Variants in ZXDC observed in about 807,000 individuals in gnomAD.
ZXDC encodes ZXD family zinc finger C.
Under a neutral mutation model 63.6 loss-of-function variants are expected in ZXDC, and 58 were observed. The observed-to-expected ratio is 0.91, with a 90% CI of 0.74 to 1.13. The LOEUF (loss-of-function observed/expected upper bound fraction) is 1.13. ZXDC is among the 50% of genes most tolerant of loss of function. The pLI, the probability that ZXDC is intolerant of heterozygous loss-of-function variation, is 0.00. For missense variants in ZXDC, 1,133 were observed against 1,148.9 expected (o/e 0.99, Z 0.20); for synonymous variants, 561 against 496.1 (o/e 1.13, Z -1.74).
intron 7 of ZXDC, chr3:126,457,692 G>A: frequency 1.0e-6 from 1 of 971,358 alleles, no homozygotes; most frequent in South Asian, 4.8e-5. Context: ...GCGCTTTATA[G>A]ACATGTCCCA....
In ZXDC at chr3:126,453,157, ACTT is replaced by A. The variant is rs1358113449; in HGVS notation, c.2212+6493_2212+6495del. 9.1e-6 allele frequency: 9 copies of A among 985,436 alleles called. No individual in the cohort carries two copies. In the African/African-American group the frequency reaches 1.6e-4, roughly 17 times the overall value. 61.0% of individuals were successfully genotyped at this position (985,436 alleles called of 1,614,324 possible). On this transcript the variant is annotated intron_variant, in intron 7 of 9. Coordinates refer to ENST00000389709, the MANE Select transcript of ZXDC (RefSeq NM_025112.5). Reference sequence around the variant, plus strand: ...TTCATATTCTTATTTCTGAATGATTACTTGTTTTCCTAGAAAACTCTGCATTTT... The same window carrying A: ...TTCATATTCTTATTTCTGAATGATTAGTTTTCCTAGAAAACTCTGCATTTT...
chr3:126,457,285 G>A (rs998383370), intron 7 of ZXDC: 14 of 985,348 alleles, frequency 1.4e-5, no homozygotes, highest in South Asian at 9.4e-5. Context: ...AGGCATCCCC[G>A]CCAGAGGATG....
chr3:126,451,101 C>G (rs1048704029), intron 7 of ZXDC: 7 of 985,034 alleles, frequency 7.1e-6, no homozygotes, highest in Non-Finnish European at 2.4e-6. Flanking sequence ...CCAGGAGGAA[C>G]AGTGCTCTAT....
chr3:126,450,538 CATGT>C (rs945312371), intron 7 of ZXDC: 107 of 456,640 alleles, frequency 2.3e-4, no homozygotes, highest in African/African-American at 1.9e-3. Context: ...GAGCCACATG[CATGT>C]GACTAGAAAT....
chr3:126,462,856 C>A (rs1466927463), intron 5 of ZXDC, among the ~76,000 whole-genome samples: 1 of 152,188 alleles, frequency 6.6e-6, no homozygotes, highest in Non-Finnish European at 1.5e-5. Context: ...CAGCTCTAGG[C>A]AGATGCACAA....
At chr3:126,451,850 C>T (rs79482777) in intron 7 of ZXDC, 59,034 of 984,956 alleles carry the variant, frequency 0.06, 1,848 homozygotes, top group African/African-American at 0.078. Flanking sequence ...CAGTGGCACC[C>T]GTGCAGGAAG....
At chr3:126,452,237 A>G (rs1934134206) in intron 7 of ZXDC, 2 of 985,250 alleles carry the variant, frequency 2.0e-6, no homozygotes, top group Non-Finnish European at 2.4e-6. Flanking sequence ...CAAATCCTCT[A>G]TGTCATTTTC....
intron 4 of ZXDC, among the ~76,000 whole-genome samples, chr3:126,468,914 G>C (rs1046123756): frequency 6.6e-6 from 1 of 152,118 alleles, no homozygotes; most frequent in Admixed American, 6.5e-5. Context: ...CACTCCACCG[G>C]AATCTGGGGC....
chr3:126,454,808 A>G, intron 7 of ZXDC: 1 of 985,454 alleles, frequency 1.0e-6, no homozygotes, highest in Non-Finnish European at 1.2e-6. Context: ...TCATTTCAAG[A>G]ATAAAACTTG....
intron 8 of ZXDC, chr3:126,440,118 G>A (rs1056840439): frequency 9.7e-7 from 1 of 1,028,422 alleles, no homozygotes; most frequent in Non-Finnish European, 1.2e-6. Flanking sequence ...GGGCCCCACA[G>A]AGGGCCTTCC....
chr3:126,475,604 C>T lies in ZXDC; in HGVS notation c.262G>A (p.Ala88Thr). The change falls in exon 1 of 10, where the codon GCC (alanine) becomes ACC (threonine). Residue 88 changes from alanine to threonine, a missense_variant. Ala to Thr is a moderately conservative substitution (Grantham distance 58). Transcript: ENST00000389709. The part of the protein sequence containing the change: ...LLEVPHGGAA[A>T]EAAGSQEAEP... ...GCCTCCTGTGATCCGGCAGCCTCGG[C>T]GGCAGCGCCGCCGTGCGGCACTTCC... 6.8e-7 allele frequency: 1 copy of T among 1,469,580 alleles called. No individual in the cohort carries two copies. The highest frequency in any genetic ancestry group is 9.0e-7 in the Non-Finnish European group (1 of 1,108,576). The allele number at this position is 1,469,580 out of a possible 1,614,324, so 91.0% of individuals were successfully genotyped here.
Position 126,466,295 on chromosome 3 carries a change from C to T in ZXDC, c.1301G>A (p.Ser434Asn). 6.2e-7 allele frequency: 1 copy of T among 1,614,206 alleles called. No homozygotes were observed. Among genetic ancestry groups the T allele is most frequent in the Non-Finnish European group, 8.5e-7 (1 of 1,180,044 alleles). The change falls in exon 5 of 10, where the codon AGT (serine) becomes AAT (asparagine). Residue 434 changes from serine to asparagine, a missense_variant. Physicochemically the swap from Ser to Asn is conservative, Grantham distance 46. Transcript: ENST00000389709. ...GTGTTTCTTAGAGTGAATGTACAGA[C>T]TGCTACGAGCGGAGAACCTCGCGCA... ...GCCARFSARS[S>N]LYIHSKKHVQ...
At chr3:126,458,933 A>G (rs1358397710) in intron 7 of ZXDC, 2 of 983,130 alleles carry the variant, frequency 2.0e-6, no homozygotes, top group African/African-American at 1.7e-5. Context: ...TATTTATTTT[A>G]AATAAGAAGT....
chr3:126,443,119 C>T (rs987628672), intron 7 of ZXDC: 23 of 152,270 alleles, frequency 1.5e-4, no homozygotes, highest in African/African-American at 5.5e-4. Context: ...TTCTGGGTGC[C>T]TCAGGGCTCT....
intron 5 of ZXDC, among the ~76,000 whole-genome samples, chr3:126,463,929 A>G (rs1180960344): frequency 6.6e-6 from 1 of 152,268 alleles, no homozygotes; most frequent in East Asian, 1.9e-4. Context: ...AAGATTAAAA[A>G]AAGTATCAAT....
chr3:126,450,694 G>A, intron 7 of ZXDC: 1 of 354,740 alleles, frequency 2.8e-6, no homozygotes, highest in Non-Finnish European at 5.6e-6. Flanking sequence ...GCAACAGGAA[G>A]AAAGGGGAGA....
intron 4 of ZXDC, among the ~76,000 whole-genome samples, chr3:126,467,912 G>C (rs1421556715): frequency 2.6e-5 from 4 of 152,202 alleles, no homozygotes; most frequent in African/African-American, 9.7e-5. Context: ...ACTCTTGCCA[G>C]CACTGGGTTT....
chr3:126,474,153 C>T (rs1935087917), intron 1 of ZXDC, among the ~76,000 whole-genome samples: 1 of 150,764 alleles, frequency 6.6e-6, no homozygotes, highest in Non-Finnish European at 1.5e-5. Flanking sequence ...CAAGCTCCGT[C>T]TCTGGGGTTC....
chr3:126,462,636 G>A (rs192317041), intron 5 of ZXDC, among the ~76,000 whole-genome samples: 7 of 152,282 alleles, frequency 4.6e-5, no homozygotes, highest in South Asian at 4.1e-4. Flanking sequence ...GGAGCTGCCC[G>A]AGAGGACTGA....
Sources: gnomAD v4.1 joint callset for allele counts (sites outside exome capture counted in the v4.1 genomes callset) on GRCh38, gnomAD v4.1.1 for gene constraint, MANE v1.5 for transcripts, NCBI Gene and HGNC (gene_info 2026-07-23, HGNC 2026-07-21) for gene names.